NRCAM: variants seen among roughly 807,000 people sequenced by gnomAD.
NRCAM encodes the protein neuronal cell adhesion molecule, also known as NgCAM-related cell adhesion molecule.
In NRCAM, 83 loss-of-function variants were observed where a neutral mutation model predicts 156.5. That is an observed-to-expected ratio of 0.53 (90% CI 0.44 to 0.64). The LOEUF (loss-of-function observed/expected upper bound fraction) is 0.64. NRCAM is among the 30% of genes least tolerant of loss of function. NRCAM has a pLI of 0.00. For missense variants in NRCAM, 1,417 were observed against 1,597.3 expected (o/e 0.89, Z 1.92); for synonymous variants, 538 against 563.9 (o/e 0.95, Z 0.65).
intron 26 of NRCAM, 50 bp downstream of exon 26, chr7:108,177,936 TAATA>T (rs1352844174): frequency 1.9e-5 from 29 of 1,514,834 alleles, no homozygotes; most frequent in South Asian, 5.1e-5. Context: ...TCAATTAAAA[TAATA>T]AATAAAATAA....
chr7:108,171,141 C>A (rs1282766924), intron 28 of NRCAM, among the ~76,000 whole-genome samples: 1 of 152,162 alleles, frequency 6.6e-6, no homozygotes, highest in Non-Finnish European at 1.5e-5. Flanking sequence ...CTATTTTGTA[C>A]CATACAAGGG....
intron 6 of NRCAM, among the ~76,000 whole-genome samples, chr7:108,233,890 C>T (rs2094602000): frequency 6.6e-6 from 1 of 152,144 alleles, no homozygotes; most frequent in Admixed American, 6.5e-5. Context: ...GAATAAGTTA[C>T]TTAGCATTAC....
At chr7:108,371,853 AG>A (rs1208060047) in intron 2 of NRCAM, among the ~76,000 whole-genome samples, 2 of 152,194 alleles carry the variant, frequency 1.3e-5, no homozygotes, top group African/African-American at 4.8e-5. Context: ...GCATTTTAAC[AG>A]AAATAGAAAA....
chr7:108,275,921 C>T (rs2097579724), intron 3 of NRCAM, among the ~76,000 whole-genome samples: 1 of 152,172 alleles, frequency 6.6e-6, no homozygotes, highest in Non-Finnish European at 1.5e-5. Flanking sequence ...CCCAGAGATT[C>T]TGGTACATCG....
chr7:108,218,253 T>G (rs2090530700), intron 11 of NRCAM, among the ~76,000 whole-genome samples: 1 of 151,204 alleles, frequency 6.6e-6, no homozygotes, highest in Admixed American at 6.6e-5. Context: ...TCGCCCTCTG[T>G]GGGCTGCTTC....
rs1022266172 is a variant in NRCAM at position 108,388,910 on chromosome 7, T to C, written c.-174+10526A>G. Among the ~76,000 whole-genome samples the C allele has an allele frequency of 4.0e-5, 6 of 150,008 alleles. No homozygotes were observed. The East Asian group carries it at 7.7e-4, about 19-fold the overall frequency. On this transcript the variant is annotated intron_variant, in intron 2 of 32. Transcript: ENST00000379028. The stretch of plus-strand genomic sequence containing the variant: ...ATTCTGAGGGCTCTGTTCTGTTCCA[T>C]TGTCTATATCTCTGTTTTGGTACCA...
At chr7:108,333,637 T>C (rs1214866976) in intron 2 of NRCAM, among the ~76,000 whole-genome samples, 2 of 152,202 alleles carry the variant, frequency 1.3e-5, no homozygotes, top group Non-Finnish European at 2.9e-5. Flanking sequence ...GGCACTCCGA[T>C]ATATTTTTTA....
intron 24 of NRCAM, among the ~76,000 whole-genome samples, chr7:108,181,334 T>C (rs534285849): frequency 6.6e-6 from 1 of 152,170 alleles, no homozygotes; most frequent in Admixed American, 6.5e-5. Context: ...ACAAAGATAA[T>C]GGATATTTAT....
intron 11 of NRCAM, among the ~76,000 whole-genome samples, chr7:108,220,987 C>T (rs2092036844): frequency 6.6e-6 from 1 of 152,052 alleles, no homozygotes; most frequent in Admixed American, 6.6e-5. Context: ...ACAACAAACT[C>T]AAACAAATCA....
intron 3 of NRCAM, among the ~76,000 whole-genome samples, chr7:108,253,251 A>G (rs2111203): frequency 0.31 from 47,422 of 152,130 alleles, 8,439 homozygotes; most frequent in African/African-American, 0.48. Context: ...AGTGAGCTGT[A>G]TGAGAATATA....
chr7:108,223,449 A>G (rs2153688238), intron 11 of NRCAM, among the ~76,000 whole-genome samples: 1 of 152,304 alleles, frequency 6.6e-6, no homozygotes, highest in Admixed American at 6.5e-5. Flanking sequence ...TACTACTACT[A>G]TATTAACAAA....
At chr7:108,316,455 A>G (rs1593048986) in intron 2 of NRCAM, among the ~76,000 whole-genome samples, 2 of 152,190 alleles carry the variant, frequency 1.3e-5, no homozygotes, top group Non-Finnish European at 2.9e-5. Flanking sequence ...GGTATACTTC[A>G]TGGTTTCATA....
intron 1 of NRCAM, among the ~76,000 whole-genome samples, chr7:108,442,902 T>C (rs1314557425): frequency 1.3e-5 from 2 of 152,226 alleles, no homozygotes; most frequent in South Asian, 2.1e-4. Context: ...TGCGAGAATA[T>C]GCATAATAAA....
At chr7:108,455,751 G>A (rs1035527234) in intron 1 of NRCAM, among the ~76,000 whole-genome samples, 1 of 152,158 alleles carries the variant, frequency 6.6e-6, no homozygotes, top group Admixed American at 6.5e-5. Context: ...GCACACGCCC[G>A]TGCGCTCCCG....
At chr7:108,177,955 AC>A (rs775390727) in intron 26 of NRCAM, 34 bp downstream of exon 26, 5 of 1,559,604 alleles carry the variant, frequency 3.2e-6, no homozygotes, top group Non-Finnish European at 4.3e-6. Context: ...AAATAAAAAA[AC>A]ATATTTCCCC....
chr7:108,205,720 T>G (rs2080780559), intron 13 of NRCAM, among the ~76,000 whole-genome samples: 1 of 152,188 alleles, frequency 6.6e-6, no homozygotes, highest in South Asian at 2.1e-4. Flanking sequence ...TTTGTATGCA[T>G]TCCTGAGAAA....
chr7:108,236,652 T>G (rs1169962635), intron 5 of NRCAM, among the ~76,000 whole-genome samples: 1 of 152,212 alleles, frequency 6.6e-6, no homozygotes, highest in Non-Finnish European at 1.5e-5. Flanking sequence ...AAATTCTCAG[T>G]GTATACCAAT....
intron 1 of NRCAM, among the ~76,000 whole-genome samples, chr7:108,401,383 C>G (rs572193677): frequency 9.9e-5 from 15 of 151,674 alleles, no homozygotes; most frequent in Middle Eastern, 3.4e-3. Context: ...TACAAACAAA[C>G]AAAAAAAATT....
intron 13 of NRCAM, among the ~76,000 whole-genome samples, chr7:108,203,644 G>GC (rs1415830603): frequency 6.6e-6 from 1 of 152,148 alleles, no homozygotes; most frequent in Non-Finnish European, 1.5e-5. Flanking sequence ...GTGCTCGCCT[G>GC]CAAGTCAGGA....
Sources: allele counts gnomAD v4.1 joint callset (sites outside exome capture counted in the v4.1 genomes callset), GRCh38; gene constraint gnomAD v4.1.1; transcripts MANE v1.5; gene names NCBI Gene and HGNC (gene_info 2026-07-23, HGNC 2026-07-21).